Variants in RBFOX1 observed in about 807,000 individuals in gnomAD.
RBFOX1 encodes RNA binding fox-1 homolog 1, also known as RNA binding protein fox-1 homolog 1.
RBFOX1 carries 8 observed loss-of-function variants against 57.7 expected under a neutral mutation model. That is an observed-to-expected ratio of 0.14 (90% confidence interval 0.08 to 0.25). The LOEUF (loss-of-function observed/expected upper bound fraction) is 0.25, where lower values mean the gene tolerates loss of function less well. Among genes scored for constraint, RBFOX1 ranks in the 10% least tolerant of loss-of-function variants. The probability of loss-of-function intolerance (pLI) is 1.00; values close to 1 mark genes in which losing one functional copy is unlikely to be tolerated. For missense variants in RBFOX1, 611 were observed against 548.5 expected (o/e 1.11, Z -1.14); for synonymous variants, 326 against 222.4 (o/e 1.47, Z -4.15).
chr16:7,070,264 T>C (rs921926972), intron 4 of RBFOX1, among the ~76,000 whole-genome samples: 3 of 152,192 alleles, frequency 2.0e-5, no homozygotes, highest in African/African-American at 7.2e-5. Context: ...CACATTCCAC[T>C]CATTTATACT....
At chr16:7,058,002 TGG>T (rs372788243) in intron 4 of RBFOX1, among the ~76,000 whole-genome samples, 1 of 32,374 alleles carries the variant, frequency 3.1e-5, no homozygotes. Flanking sequence ...AGGGAGACTG[TGG>T]GGAAAAAAAA....
intron 3 of RBFOX1, among the ~76,000 whole-genome samples, chr16:5,820,608 A>G (rs746683524): frequency 6.6e-6 from 1 of 152,012 alleles, no homozygotes; most frequent in Non-Finnish European, 1.5e-5. Flanking sequence ...AGGGCACCTG[A>G]AAATGAGCTT....
intron 3 of RBFOX1, among the ~76,000 whole-genome samples, chr16:6,687,251 C>T (rs1213454246): frequency 6.6e-6 from 1 of 151,984 alleles, no homozygotes; most frequent in Admixed American, 6.5e-5. Flanking sequence ...TGCAGAGGCA[C>T]ACAGAGTGAT....
chr16:6,159,083 T>G (rs2096858974), intron 1 of RBFOX1, among the ~76,000 whole-genome samples: 1 of 151,992 alleles, frequency 6.6e-6, no homozygotes, highest in Non-Finnish European at 1.5e-5. Context: ...TTTATTTTTA[T>G]TTTTTATTTT....
chr16:5,957,472 G>A (rs911448305), intron 4 of RBFOX1, among the ~76,000 whole-genome samples: 11 of 152,206 alleles, frequency 7.2e-5, no homozygotes, highest in African/African-American at 2.2e-4. Flanking sequence ...TGATCTGCCT[G>A]ACTCGGCCTC....
chr16:7,433,076 G>A (rs8051613), intron 4 of RBFOX1, among the ~76,000 whole-genome samples: 108,915 of 152,118 alleles, frequency 0.72, 39,906 homozygotes, highest in Non-Finnish European at 0.8. Context: ...TTCTTTCTCA[G>A]CAGCCTTGGA....
In RBFOX1 at chr16:5,497,936, T is replaced by G. The variant is rs147594840; in HGVS notation, c.258+30682T>G. On this transcript the variant is annotated intron_variant, in intron 2 of 2. Coordinates refer to the RBFOX1 transcript ENST00000585867. ...GGACGCATAAAAGATGAGGAAGAGC[T>G]TGCCATGGAGAGATGGGGGAAAGAA... Among the ~76,000 whole-genome samples the G allele has an allele frequency of 7.3e-3, 1,115 of 152,110 alleles. 18 individuals carry two copies. Among genetic ancestry groups the G allele is most frequent in the African/African-American group, 0.025 (1,048 of 41,490 alleles).
chr16:7,571,871 G>A (rs925805357), intron 5 of RBFOX1, among the ~76,000 whole-genome samples: 1 of 152,188 alleles, frequency 6.6e-6, no homozygotes, highest in Non-Finnish European at 1.5e-5. Context: ...GCTCAGGCCT[G>A]TAATCCCAGC....
intron 3 of RBFOX1, among the ~76,000 whole-genome samples, chr16:5,703,233 G>T (rs927686859): frequency 7.9e-5 from 12 of 152,182 alleles, no homozygotes; most frequent in Non-Finnish European, 1.3e-4. Context: ...ATAACACAGG[G>T]GCATGGAGCT....
chr16:6,432,838 C>T (rs1055025391), intron 2 of RBFOX1, among the ~76,000 whole-genome samples: 2 of 149,740 alleles, frequency 1.3e-5, no homozygotes, highest in Non-Finnish European at 3.0e-5. Flanking sequence ...CTTAGCTGGG[C>T]GTGGTGGTGC....
chr16:6,623,436 G>A (rs1601824106), intron 2 of RBFOX1, among the ~76,000 whole-genome samples: 1 of 69,838 alleles, frequency 1.4e-5, no homozygotes, highest in South Asian at 1.1e-3. Flanking sequence ...ATTGTTAGGT[G>A]AAAATTCTTT....
chr16:6,185,051 C>CACAACG (rs2097096366), intron 1 of RBFOX1, among the ~76,000 whole-genome samples: 1 of 152,142 alleles, frequency 6.6e-6, no homozygotes, highest in South Asian at 2.1e-4. Context: ...AAGGAGACAG[C>CACAACG]TCTGTGCGTC....
chr16:6,902,938 C>G (rs549352602), intron 3 of RBFOX1, among the ~76,000 whole-genome samples: 7 of 152,174 alleles, frequency 4.6e-5, no homozygotes, highest in South Asian at 2.1e-4. Flanking sequence ...TTTACTTGTT[C>G]GGGGCTTACA....
chr16:6,192,802 C>T (rs149620199), intron 1 of RBFOX1, among the ~76,000 whole-genome samples: 295 of 152,230 alleles, frequency 1.9e-3, no homozygotes, highest in African/African-American at 6.9e-3. Flanking sequence ...TTGTCATGCA[C>T]TAAAAGATTT....
intron 4 of RBFOX1, among the ~76,000 whole-genome samples, chr16:7,089,233 G>C (rs11861485): frequency 1.3e-5 from 2 of 151,858 alleles, no homozygotes; most frequent in African/African-American, 2.4e-5. Flanking sequence ...TTTTCTCTTC[G>C]AGCTTGCGTA....
At chr16:7,435,050 C>T (rs904955788) in intron 4 of RBFOX1, among the ~76,000 whole-genome samples, 2 of 152,076 alleles carry the variant, frequency 1.3e-5, no homozygotes, top group Non-Finnish European at 1.5e-5. Flanking sequence ...ACATATGGTA[C>T]GTTTATCACA....
At chr16:7,543,150 G>T (rs1369794861) in intron 5 of RBFOX1, among the ~76,000 whole-genome samples, 1 of 152,096 alleles carries the variant, frequency 6.6e-6, no homozygotes, top group Non-Finnish European at 1.5e-5. Context: ...AATCACTCAG[G>T]GTTGGTGTTT....
At chr16:6,904,641 AG>A (rs537435368) in intron 3 of RBFOX1, among the ~76,000 whole-genome samples, 1 of 150,840 alleles carries the variant, frequency 6.6e-6, no homozygotes, top group South Asian at 2.1e-4. Flanking sequence ...AGAAGAAGAA[AG>A]AAAAATTCAT....
chr16:7,539,307 C>G (rs1346321696), intron 5 of RBFOX1, among the ~76,000 whole-genome samples: 1 of 152,070 alleles, frequency 6.6e-6, no homozygotes, highest in Non-Finnish European at 1.5e-5. Flanking sequence ...ATGGGAGAGT[C>G]CAGCAAGAGA....
Sources: allele counts gnomAD v4.1 joint callset (sites outside exome capture counted in the v4.1 genomes callset), GRCh38; gene constraint gnomAD v4.1.1; transcripts MANE v1.5; gene names NCBI Gene and HGNC (gene_info 2026-07-23, HGNC 2026-07-21).